ZC3H12B: variants seen among roughly 807,000 people sequenced by gnomAD.
The protein encoded by ZC3H12B is probable ribonuclease ZC3H12B.
A neutral mutation model predicts 43.9 loss-of-function variants in ZC3H12B; 7 were observed. The observed-to-expected ratio is 0.16, with a 90% CI of 0.09 to 0.30. ZC3H12B has a LOEUF of 0.30. Ranked by LOEUF, ZC3H12B falls within the 10% of genes least tolerant of loss-of-function variation. The probability of loss-of-function intolerance (pLI) is 1.00; values close to 1 mark genes in which losing one functional copy is unlikely to be tolerated. For synonymous variants in ZC3H12B, 222 were observed against 241.7 expected (o/e 0.92, Z 0.76); for missense variants, 475 against 670.2 (o/e 0.71, Z 3.22).
intron 2 of ZC3H12B, among the ~76,000 whole-genome samples, chrX:65,369,359 C>T (rs971802237): frequency 9.0e-6 from 1 of 111,728 alleles, no homozygotes; most frequent in Non-Finnish European, 1.9e-5. Context: ...TTATCATCTC[C>T]ATTTTACAAA....
At chrX:65,314,619 C>T in the ZC3H12B span, among the ~76,000 whole-genome samples, 3 of 111,833 alleles carry the variant, frequency 2.7e-5, no homozygotes, top group Non-Finnish European at 5.7e-5. Context: ...AAAGAATTTG[C>T]TTCCAGCACA....
intron 3 of ZC3H12B, among the ~76,000 whole-genome samples, chrX:65,439,008 C>A (rs914822739): frequency 8.9e-6 from 1 of 112,629 alleles, no homozygotes; most frequent in African/African-American, 3.2e-5. Flanking sequence ...AGCTACTTTT[C>A]TCAGGAGTCG....
At chrX:65,294,139 A>T in the ZC3H12B span, among the ~76,000 whole-genome samples, 1 of 111,985 alleles carries the variant, frequency 8.9e-6, no homozygotes, top group Non-Finnish European at 1.9e-5. Context: ...AAAACCTATC[A>T]GATGAACAGC....
At chrX:65,188,486 C>A in the ZC3H12B span, among the ~76,000 whole-genome samples, 2 of 109,144 alleles carry the variant, frequency 1.8e-5, no homozygotes, top group African/African-American at 6.7e-5. Context: ...TTGTTATTGC[C>A]TGTCTTTTGA....
chrX:65,383,709 C>T (rs892568227), intron 2 of ZC3H12B, among the ~76,000 whole-genome samples: 1 of 110,823 alleles, frequency 9.0e-6, no homozygotes, highest in Non-Finnish European at 1.9e-5. Context: ...ACTCATCTGA[C>T]AAAGGGCTAA....
the ZC3H12B span, among the ~76,000 whole-genome samples, chrX:65,230,597 CT>C: frequency 4.0e-5 from 4 of 101,161 alleles, no homozygotes; most frequent in East Asian, 3.0e-4. Context: ...CAAACATCAC[CT>C]TTCCCCCAGC....
At chrX:65,059,947 A>C in the ZC3H12B span, among the ~76,000 whole-genome samples, 1 of 111,854 alleles carries the variant, frequency 8.9e-6, no homozygotes, top group Non-Finnish European at 1.9e-5. Flanking sequence ...TTCTTTGGTT[A>C]ATTCTAGGCA....
chrX:65,463,836 T>C (rs919606223), intron 3 of ZC3H12B, among the ~76,000 whole-genome samples: 6 of 111,211 alleles, frequency 5.4e-5, no homozygotes, highest in African/African-American at 2.0e-4. Flanking sequence ...GACCATTGAA[T>C]ACACATTTCA....
chrX:65,322,313 T>A, the ZC3H12B span, among the ~76,000 whole-genome samples: 1 of 112,181 alleles, frequency 8.9e-6, no homozygotes, highest in Admixed American at 9.5e-5. Context: ...CCCCCATGAC[T>A]GGAACAGCTT....
the ZC3H12B span, among the ~76,000 whole-genome samples, chrX:65,229,729 T>C: frequency 1.0e-5 from 1 of 100,225 alleles, no homozygotes; most frequent in African/African-American, 3.7e-5. Context: ...GTGAAGGACA[T>C]GAACAGACAC....
chrX:65,242,589 T>C, the ZC3H12B span, among the ~76,000 whole-genome samples: 1 of 112,363 alleles, frequency 8.9e-6, no homozygotes, highest in East Asian at 2.8e-4. Context: ...ATGCAGTTTC[T>C]GTCAAAATAC....
At chrX:65,124,761 G>A in the ZC3H12B span, among the ~76,000 whole-genome samples, 1 of 110,622 alleles carries the variant, frequency 9.0e-6, no homozygotes, top group South Asian at 3.8e-4. Flanking sequence ...GGATTTTCTA[G>A]TATTTGCATG....
chrX:65,271,928 G>A, the ZC3H12B span: 2 of 131,333 alleles, frequency 1.5e-5, no homozygotes, highest in East Asian at 1.8e-4. Context: ...AAAAGAAAGA[G>A]CCTAGGCCGG....
At chrX:65,135,436 T>A in the ZC3H12B span, among the ~76,000 whole-genome samples, 1 of 110,390 alleles carries the variant, frequency 9.1e-6, no homozygotes, top group Non-Finnish European at 1.9e-5. Flanking sequence ...TCTTTTGGAC[T>A]TACCTTAAAT....
chrX:65,051,318 T>C, the ZC3H12B span, among the ~76,000 whole-genome samples: 1 of 111,921 alleles, frequency 8.9e-6, no homozygotes, highest in Non-Finnish European at 1.9e-5. Context: ...ATCTTTTCTA[T>C]GTTTTTTTCT....
the ZC3H12B span, among the ~76,000 whole-genome samples, chrX:65,210,753 G>T: frequency 1.4e-3 from 20 of 14,230 alleles, no homozygotes; most frequent in Non-Finnish European, 2.1e-3. Flanking sequence ...AAAATGATGA[G>T]TTCATATCCT....
At chrX:65,252,459 A>G in the ZC3H12B span, among the ~76,000 whole-genome samples, 1 of 112,056 alleles carries the variant, frequency 8.9e-6, no homozygotes, top group Non-Finnish European at 1.9e-5. Context: ...TGTATTAAAA[A>G]ATTAATACAC....
the ZC3H12B span, chrX:65,186,484 T>A: frequency 1.1e-5 from 1 of 94,400 alleles, no homozygotes; most frequent in South Asian, 5.1e-4. Context: ...AGAGTAAGAC[T>A]CTGTGTCAAA....
At chrX:65,303,521 C>G in the ZC3H12B span, among the ~76,000 whole-genome samples, 9 of 111,826 alleles carry the variant, frequency 8.0e-5, no homozygotes, top group African/African-American at 2.9e-4. Context: ...TCTCAGTAAT[C>G]TAGGCATAGA....
Sources: gnomAD v4.1 joint callset for allele counts (sites outside exome capture counted in the v4.1 genomes callset) on GRCh38, gnomAD v4.1.1 for gene constraint, MANE v1.5 for transcripts, NCBI Gene and HGNC (gene_info 2026-07-23, HGNC 2026-07-21) for gene names.